SERPINA1: variants seen among roughly 807,000 people sequenced by gnomAD.
The protein encoded by SERPINA1 is alpha-1-antitrypsin.
Under a neutral mutation model 25.4 loss-of-function variants are expected in SERPINA1, and 21 were observed. The ratio of observed to expected loss-of-function variants is 0.83; its 90% CI spans 0.59 to 1.19. SERPINA1 has a LOEUF of 1.19. Among genes scored for constraint, SERPINA1 ranks in the 50% most tolerant of loss-of-function variants. SERPINA1 has a pLI of 0.00. For synonymous variants in SERPINA1, 218 were observed against 211.1 expected, an observed-to-expected ratio of 1.03 and a Z score of -0.29; for missense variants, 546 against 509.0, an observed-to-expected ratio of 1.07 and a Z score of -0.70.
At position 94,378,329 on chromosome 14, in the gene SERPINA1, CAG is replaced by C; in HGVS notation, c.*118_*119del. ...CAGCCTCAGCAGGCAAAGGGAGACT[CAG>C]AGAAAACATGGGAGGGATTTACAGT... On this transcript the variant is annotated 3_prime_UTR_variant, in exon 5 of 5. Transcript: ENST00000393087. The C allele has an allele frequency of 1.1e-6, 1 of 884,462 alleles. No homozygotes were observed. Among genetic ancestry groups the C allele is most frequent in the Non-Finnish European group, 1.8e-6 (1 of 543,292 alleles). The allele number at this position is 884,462 out of a possible 1,614,324, so 54.8% of individuals were successfully genotyped here.
At chr14:94,389,830 G>A (rs966019662), upstream of SERPINA1, 3 of 152,220 alleles carry the variant, frequency 2.0e-5, no homozygotes, top group African/African-American at 7.2e-5. Flanking sequence ...CACACATTCA[G>A]ACCAGGGAAC....
chr14:94,389,254 G>A (rs1470644023), upstream of SERPINA1, among the ~76,000 whole-genome samples: 3 of 152,322 alleles, frequency 2.0e-5, no homozygotes, highest in East Asian at 3.9e-4. Context: ...CAGGCAGGCC[G>A]CTTCACCTCT....
At chr14:94,378,733 C>T in intron 4 of SERPINA1, 93 bp from the exon 5 acceptor site, 1 of 1,353,134 alleles carries the variant, frequency 7.4e-7, no homozygotes, top group South Asian at 1.2e-5. Flanking sequence ...GCTCACTCCC[C>T]CTGGACGGCC....
chr14:94,381,636 C>A (rs572669491), intron 2 of SERPINA1, among the ~76,000 whole-genome samples: 1 of 152,312 alleles, frequency 6.6e-6, no homozygotes, highest in South Asian at 2.1e-4. Flanking sequence ...GAGCAGCCTC[C>A]CCTCTGCCAT....
At position 94,379,514 on chromosome 14, in the gene SERPINA1, C is replaced by G; in HGVS notation, c.1015G>C (p.Gly339Arg). Reference protein sequence around the residue: ...QLGITKVFSNGADLSGVTEEA... With the variant: ...QLGITKVFSNRADLSGVTEEA... ...TCTGTGACCCCGGAGAGGTCAGCCC[C>G]ATTGCTGAAGACCTTAGTGATGCCC... The change falls in exon 4 of 5, where the codon GGG (glycine) becomes CGG (arginine). Residue 339 changes from glycine to arginine, a missense_variant. Gly to Arg is a moderately radical substitution (Grantham distance 125, BLOSUM62 -2). Transcript: ENST00000393087. 1 of 1,613,284 alleles carries G rather than the reference C, an allele frequency of 6.2e-7. No homozygotes were observed. Among genetic ancestry groups the G allele is most frequent in the East Asian group, 2.2e-5 (1 of 44,870 alleles).
At chr14:94,378,737 GA>G in intron 4 of SERPINA1, 97 bp from the exon 5 acceptor site, 1 of 1,366,338 alleles carries the variant, frequency 7.3e-7, no homozygotes, top group Non-Finnish European at 1.0e-6. Flanking sequence ...ACTCCCCCTG[GA>G]CGGCCCTGGC....
intron 1 of SERPINA1, among the ~76,000 whole-genome samples, chr14:94,385,292 G>A (rs1301865069): frequency 6.6e-6 from 1 of 152,250 alleles, no homozygotes; most frequent in African/African-American, 2.4e-5. Flanking sequence ...GTGGGGCTGG[G>A]AGAAGACTTC....
At chr14:94,385,800 C>T (rs1179888522) in intron 1 of SERPINA1, among the ~76,000 whole-genome samples, 1 of 152,152 alleles carries the variant, frequency 6.6e-6, no homozygotes, top group East Asian at 1.9e-4. Context: ...GGAGCACATT[C>T]CCCCACACCC....
At position 94,377,781 on chromosome 14, in the gene SERPINA1, C is replaced by T. The variant is rs1400786129; in HGVS notation, c.*668G>A. Reference sequence around the variant, plus strand: ...GGAAGGACAAGGACAGAATAGGTGTCCTTGTTGCCCCATGGAGAATGGGCT... The same window carrying T: ...GGAAGGACAAGGACAGAATAGGTGTTCTTGTTGCCCCATGGAGAATGGGCT... On this transcript the variant is annotated 3_prime_UTR_variant, in exon 5 of 5. Coordinates refer to ENST00000393087, the MANE Select transcript of SERPINA1 (RefSeq NM_000295.5). 6.5e-6 allele frequency: 1 copy of T among 153,428 alleles called. No homozygotes were observed. The highest frequency in any genetic ancestry group is 1.9e-4 in the East Asian group (1 of 5,184). The allele number at this position is 153,428 out of a possible 1,614,324, so 9.5% of individuals were successfully genotyped here. A position where few individuals can be genotyped will look rare whatever the true frequency, so the allele number is the denominator to read the frequency against.
intron 3 of SERPINA1, 137 bp downstream of exon 3, chr14:94,380,734 G>C: frequency 8.6e-7 from 1 of 1,163,302 alleles, no homozygotes; most frequent in Non-Finnish European, 1.3e-6. Context: ...TGGAAGCCAA[G>C]TTTATACAGA....
At position 94,380,864 on chromosome 14, in the gene SERPINA1, G is replaced by T; in HGVS notation, c.917+7C>A. 1 of 1,614,202 alleles carries T rather than the reference G, an allele frequency of 6.2e-7. No homozygotes were observed. Among genetic ancestry groups the T allele is most frequent in the Non-Finnish European group, 8.5e-7 (1 of 1,180,036 alleles). ...GCTTCTTGGTCACCCTCAGGTTGGGGAATCACCTTCTGTCTTCATTTTCCA... is the reference window on the plus strand; with the variant it reads ...GCTTCTTGGTCACCCTCAGGTTGGGTAATCACCTTCTGTCTTCATTTTCCA... On this transcript the variant is annotated splice_region_variant and intron_variant, in intron 3 of 4. Transcript: ENST00000393087.
intron 3 of SERPINA1, among the ~76,000 whole-genome samples, chr14:94,380,077 C>G (rs998114457): frequency 6.6e-6 from 1 of 151,420 alleles, no homozygotes; most frequent in African/African-American, 2.5e-5. Flanking sequence ...CTGGTGTGAG[C>G]GGGCAGCTTG....
Position 94,382,612 on chromosome 14 carries a change from A to G in SERPINA1, c.626T>C (p.Val209Ala), listed in dbSNP as rs1555368958. Residue 209 changes from valine to alanine, a missense_variant, in exon 2 of 5, where the codon GTG becomes GCG. Physicochemically the swap from Val to Ala is moderately conservative, Grantham distance 64. Coordinates refer to ENST00000393087, the MANE Select transcript of SERPINA1 (RefSeq NM_000295.5). ...ELDRDTVFALVNYIFFKGKWE... is the reference protein window; with the variant it reads ...ELDRDTVFALANYIFFKGKWE... ...CTTACCTTTAAAGAAGATGTAATTC[A>G]CCAGAGCAAAAACTGTGTCTCTGTC... The G allele has an allele frequency of 4.3e-6, 7 of 1,614,250 alleles. No homozygotes were observed. The highest frequency in any genetic ancestry group is 5.9e-6 in the Non-Finnish European group (7 of 1,180,058).
chr14:94,379,272 C>G (rs976927975), intron 4 of SERPINA1, 192 bp downstream of exon 4: 1 of 788,324 alleles, frequency 1.3e-6, no homozygotes, highest in African/African-American at 1.7e-5. Flanking sequence ...GCCAGCTGCA[C>G]AGCAGTCCCC....
At chr14:94,383,524 A>G (rs748651433) in intron 1 of SERPINA1, 13 of 519,354 alleles carry the variant, frequency 2.5e-5, no homozygotes, top group Non-Finnish European at 4.1e-5. Context: ...TTACAGATGA[A>G]GAAACCAAAG....
At chr14:94,382,496 C>T in intron 2 of SERPINA1, 96 bp downstream of exon 2, 1 of 1,406,710 alleles carries the variant, frequency 7.1e-7, no homozygotes, top group Non-Finnish European at 1.0e-6. Context: ...TGCTATGGCC[C>T]ATAATGCATT....
In SERPINA1 at chr14:94,383,155, T is replaced by TGGGGATCCTCAGCCAGGGAGAC; in HGVS notation, c.61_82dup (p.Gln28ArgfsTer5). The TGGGGATCCTCAGCCAGGGAGAC allele has an allele frequency of 6.2e-7, 1 of 1,614,208 alleles. No homozygotes were observed. Among genetic ancestry groups the TGGGGATCCTCAGCCAGGGAGAC allele is most frequent in the Non-Finnish European group, 8.5e-7 (1 of 1,180,042 alleles). Reference sequence around the variant, plus strand: ...ATCTGTCTTCTGGGCAGCATCTCCCTGGGGATCCTCAGCCAGGGAGACAGG... The same window carrying TGGGGATCCTCAGCCAGGGAGAC: ...ATCTGTCTTCTGGGCAGCATCTCCCTGGGGATCCTCAGCCAGGGAGACGGGGATCCTCAGCCAGGGAGACAGG... On this transcript the variant is annotated stop_gained and frameshift_variant, in exon 2 of 5. Transcript: ENST00000393087. LOFTEE classifies it high-confidence loss of function.
Position 94,378,208 on chromosome 14 carries a change from C to T in SERPINA1, c.*241G>A, listed in dbSNP as rs111978668. On this transcript the variant is annotated 3_prime_UTR_variant, in exon 5 of 5. Transcript: ENST00000393087. Reference sequence around the variant, plus strand: ...TCCGTAAGCTGAGGATTCAGTCCCCCCTGGATTCAAGCCCAGCATGTGCCT... The same window carrying T: ...TCCGTAAGCTGAGGATTCAGTCCCCTCTGGATTCAAGCCCAGCATGTGCCT... The T allele has an allele frequency of 1.7e-6, 1 of 586,754 alleles. No individual in the cohort carries two copies. Among genetic ancestry groups the T allele is most frequent in the South Asian group, 2.0e-5 (1 of 48,854 alleles). 36.3% of individuals were successfully genotyped at this position (586,754 alleles called of 1,614,324 possible). A position where few individuals can be genotyped will look rare whatever the true frequency, so the allele number is the denominator to read the frequency against.
chr14:94,379,382 C>T lies in SERPINA1; in HGVS notation c.1065+82G>A, dbSNP rs1036759602. 3.8e-6 allele frequency: 6 copies of T among 1,589,562 alleles called. No homozygotes were observed. In the African/African-American group the frequency reaches 6.7e-5, roughly 18 times the overall value. ...CATTTGTTTCCCTCGGCCCCTTCCT[C>T]AGCCTCAGGACAGAGCTGCAGCCCC... On this transcript the variant is annotated intron_variant, in intron 4 of 4. Transcript: ENST00000393087.
Sources: allele counts gnomAD v4.1 joint callset (sites outside exome capture counted in the v4.1 genomes callset), GRCh38; gene constraint gnomAD v4.1.1; transcripts MANE v1.5; gene names NCBI Gene and HGNC (gene_info 2026-07-23, HGNC 2026-07-21).